The following CNTNAP4 variants were observed in gnomAD, a reference collection of about 807,000 sequenced individuals.
CNTNAP4 encodes the protein contactin associated protein family member 4, also known as contactin-associated protein-like 4.
In CNTNAP4, 98 loss-of-function variants were observed where a neutral mutation model predicts 148.4. The ratio of observed to expected loss-of-function variants is 0.66; its 90% CI spans 0.56 to 0.78. The LOEUF (loss-of-function observed/expected upper bound fraction) is 0.78. Ranked by LOEUF, CNTNAP4 falls within the 30% of genes least tolerant of loss-of-function variation. CNTNAP4 has a pLI of 0.00. For missense variants in CNTNAP4, 1,935 were observed against 1,565.6 expected (o/e 1.24, Z -3.98); for synonymous variants, 730 against 565.1 (o/e 1.29, Z -4.14).
At chr16:76,359,776 C>G (rs1309703217) in intron 3 of CNTNAP4, among the ~76,000 whole-genome samples, 1 of 152,100 alleles carries the variant, frequency 6.6e-6, no homozygotes, top group Non-Finnish European at 1.5e-5. Flanking sequence ...CACAAAATTC[C>G]TCAACATCTA....
At position 76,328,052 on chromosome 16, in the gene CNTNAP4, C is replaced by G. The variant is rs1273242400; in HGVS notation, c.196+11529C>G. On this transcript the variant is annotated intron_variant, in intron 2 of 23. Coordinates refer to ENST00000611870, the MANE Select transcript of CNTNAP4 (RefSeq NM_033401.5). ...AACGAAATGCTTCCTGATTCCTGCT[C>G]AGAAGAATTCCAAATAATTTATATA... 2.0e-5 allele frequency among the ~76,000 whole-genome samples: 3 copies of G among 152,154 alleles called. No homozygotes were observed. The South Asian group carries it at 6.2e-4, about 32-fold the overall frequency.
intron 2 of CNTNAP4, among the ~76,000 whole-genome samples, chr16:76,350,631 C>G (rs1208366829): frequency 2.0e-5 from 3 of 152,168 alleles, no homozygotes; most frequent in African/African-American, 4.8e-5. Context: ...GTGATCATAA[C>G]TCTCTTTGGA....
intron 2 of CNTNAP4, among the ~76,000 whole-genome samples, chr16:76,321,787 C>CAAA (rs5817984): frequency 2.8e-5 from 3 of 105,408 alleles, no homozygotes; most frequent in South Asian, 3.2e-4. Flanking sequence ...GACTCAGTCT[C>CAAA]AAAAAAAAAA....
intron 3 of CNTNAP4, among the ~76,000 whole-genome samples, chr16:76,377,665 C>A (rs543852776): frequency 1.4e-4 from 22 of 152,092 alleles, no homozygotes; most frequent in African/African-American, 4.8e-4. Flanking sequence ...TCTGGAGGGG[C>A]AAAGTTTGCT....
chr16:76,493,101 G>A (rs1431387087), intron 13 of CNTNAP4, among the ~76,000 whole-genome samples: 1 of 152,062 alleles, frequency 6.6e-6, no homozygotes, highest in East Asian at 1.9e-4. Flanking sequence ...CTCATGATTC[G>A]TGTGGAATAG....
intron 15 of CNTNAP4, among the ~76,000 whole-genome samples, chr16:76,507,472 A>G (rs1304165439): frequency 3.1e-5 from 3 of 97,530 alleles, no homozygotes; most frequent in African/African-American, 7.7e-5. Context: ...TAAAACTTGC[A>G]ATGTTTGTCT....
intron 2 of CNTNAP4, among the ~76,000 whole-genome samples, chr16:76,319,728 C>T (rs1038981831): frequency 2.0e-5 from 3 of 152,100 alleles, no homozygotes; most frequent in Admixed American, 6.5e-5. Flanking sequence ...TGGAGTGATA[C>T]AGCTGCAAAC....
At chr16:76,386,582 AGCCTAACCTGGT>A (rs1229539020) in intron 3 of CNTNAP4, among the ~76,000 whole-genome samples, 1 of 152,108 alleles carries the variant, frequency 6.6e-6, no homozygotes, top group Non-Finnish European at 1.5e-5. Context: ...AATTTTCCAG[AGCCTAACCTGGT>A]GCTAGAAACA....
In CNTNAP4 at chr16:76,460,064, T is replaced by TA. The variant is rs535814080; in HGVS notation, c.1334-1885dup. Among the ~76,000 whole-genome samples the TA allele has an allele frequency of 4.6e-5, 7 of 152,316 alleles. No homozygotes were observed. In the East Asian group the frequency reaches 1.2e-3, roughly 25 times the overall value. On this transcript the variant is annotated intron_variant, in intron 8 of 23. Coordinates refer to ENST00000611870, the MANE Select transcript of CNTNAP4 (RefSeq NM_033401.5). Reference sequence around the variant, plus strand: ...AGAAACAATCATATTTTTCCTTTATTAAAAAAACTTTTTATTTGTTTCTTT... The same window carrying TA: ...AGAAACAATCATATTTTTCCTTTATTAAAAAAAACTTTTTATTTGTTTCTTT...
intron 1 of CNTNAP4, among the ~76,000 whole-genome samples, chr16:76,281,942 T>C (rs1313215268): frequency 1.3e-5 from 2 of 152,100 alleles, no homozygotes; most frequent in East Asian, 3.9e-4. Context: ...ATTTTATCAA[T>C]TAAATTTTAT....
chr16:76,547,227 T>G (rs900677359), intron 21 of CNTNAP4, among the ~76,000 whole-genome samples: 17 of 152,246 alleles, frequency 1.1e-4, no homozygotes, highest in Non-Finnish European at 1.8e-4. Flanking sequence ...AAAGTTGTTT[T>G]GCCAATTCAT....
intron 3 of CNTNAP4, among the ~76,000 whole-genome samples, chr16:76,414,839 C>T (rs963069700): frequency 2.6e-5 from 4 of 151,300 alleles, no homozygotes; most frequent in South Asian, 2.1e-4. Flanking sequence ...ATAGGATCAT[C>T]GTAAGATGCT....
intron 3 of CNTNAP4, among the ~76,000 whole-genome samples, chr16:76,421,394 T>C (rs952753800): frequency 2.0e-5 from 3 of 152,094 alleles, no homozygotes; most frequent in Admixed American, 1.3e-4. Flanking sequence ...TTGCTATTTC[T>C]TTATTATAAT....
intron 2 of CNTNAP4, among the ~76,000 whole-genome samples, chr16:76,352,697 G>A (rs1035701959): frequency 2.6e-5 from 4 of 152,176 alleles, no homozygotes; most frequent in Non-Finnish European, 5.9e-5. Flanking sequence ...ATTAGAATAA[G>A]TAGAGGAGGA....
intron 4 of CNTNAP4, among the ~76,000 whole-genome samples, chr16:76,440,473 T>C (rs1369187536): frequency 1.3e-5 from 2 of 152,124 alleles, no homozygotes; most frequent in African/African-American, 4.8e-5. Context: ...CCTCCACAAT[T>C]ATCGGCAAGT....
intron 2 of CNTNAP4, among the ~76,000 whole-genome samples, chr16:76,346,540 C>G (rs1337392012): frequency 6.6e-6 from 1 of 151,794 alleles, no homozygotes; most frequent in African/African-American, 2.4e-5. Flanking sequence ...ACTGAAATGA[C>G]CTGCCTTCCT....
chr16:76,498,050 TA>T (rs933951171), intron 14 of CNTNAP4, among the ~76,000 whole-genome samples: 1 of 152,190 alleles, frequency 6.6e-6, no homozygotes, highest in African/African-American at 2.4e-5. Context: ...ACATATGCTA[TA>T]TTTTATATTC....
intron 2 of CNTNAP4, among the ~76,000 whole-genome samples, chr16:76,325,846 A>C (rs987858467): frequency 6.6e-6 from 1 of 152,158 alleles, no homozygotes; most frequent in African/African-American, 2.4e-5. Context: ...AGGATACTTT[A>C]AGAAACTTTC....
intron 10 of CNTNAP4, among the ~76,000 whole-genome samples, chr16:76,470,556 A>C (rs1205353395): frequency 1.3e-5 from 2 of 148,488 alleles, no homozygotes; most frequent in African/African-American, 5.1e-5. Flanking sequence ...AGGCTGAGGC[A>C]GGAGAATCGC....
Sources: allele counts gnomAD v4.1 joint callset (sites outside exome capture counted in the v4.1 genomes callset), GRCh38; gene constraint gnomAD v4.1.1; transcripts MANE v1.5; gene names NCBI Gene and HGNC (gene_info 2026-07-23, HGNC 2026-07-21).